The following CC2D2B variants were observed in gnomAD, a reference collection of about 807,000 sequenced individuals.
The protein encoded by CC2D2B is coiled-coil and C2 domain containing 2B.
A neutral mutation model predicts 161.2 loss-of-function variants in CC2D2B; 128 were observed. That is an observed-to-expected ratio of 0.79 (90% CI 0.69 to 0.92). CC2D2B has a LOEUF of 0.92. Among genes scored for constraint, CC2D2B ranks in the 40% least tolerant of loss-of-function variants. CC2D2B has a pLI of 0.00. For synonymous variants in CC2D2B, 391 were observed against 449.8 expected, an observed-to-expected ratio of 0.87 and a Z score of 1.65; for missense variants, 1,173 against 1,375.1, an observed-to-expected ratio of 0.85 and a Z score of 2.32.
intron 1 of CC2D2B, among the ~76,000 whole-genome samples, chr10:95,908,497 A>G (rs2098500065): frequency 6.6e-6 from 1 of 152,244 alleles, no homozygotes. Flanking sequence ...AGTTTGAATC[A>G]GCCTTAGAAA....
In CC2D2B at chr10:95,961,898, T is replaced by C; in HGVS notation, c.1179T>C (p.Thr393=). Residue 393 remains threonine (T), a synonymous_variant, in exon 12 of 35, where the codon ACT becomes ACC. Coordinates refer to ENST00000646931, the MANE Select transcript of CC2D2B (RefSeq NM_001349008.3). ...CCCTACTACACAGTATATTACGAAC[T>C]TGGAAACAGATTAAATCTCTTCGAC... ...DLSLLHSILR[T]WKQIKSLRHG... is the part of the protein sequence containing the mutation. 1 of 1,231,460 alleles carries C rather than the reference T, an allele frequency of 8.1e-7. No homozygotes were observed. The highest frequency in any genetic ancestry group is 1.6e-5 in the African/African-American group (1 of 64,478). 76.3% of individuals were successfully genotyped at this position (1,231,460 alleles called of 1,614,324 possible). A position where few individuals can be genotyped will look rare whatever the true frequency, so the allele number is the denominator to read the frequency against.
At chr10:96,011,752 T>C (rs28622061) in intron 26 of CC2D2B, among the ~76,000 whole-genome samples, 16 of 148,134 alleles carry the variant, frequency 1.1e-4, no homozygotes, top group South Asian at 1.1e-3. Flanking sequence ...CACACACACA[T>C]ACACACACAC....
chr10:96,016,180 A>G, intron 29 of CC2D2B, 21 bp from the exon 30 acceptor site: 1 of 1,542,180 alleles, frequency 6.5e-7, no homozygotes, highest in Non-Finnish European at 9.0e-7. Flanking sequence ...TTTTGTTCCT[A>G]TTGCTTTTGT....
chr10:95,984,865 G>A (rs530558596), intron 19 of CC2D2B, among the ~76,000 whole-genome samples: 10 of 151,084 alleles, frequency 6.6e-5, no homozygotes, highest in Admixed American at 2.0e-4. Context: ...GTGAGACCCT[G>A]TCTTTAAAAA....
intron 10 of CC2D2B, among the ~76,000 whole-genome samples, chr10:95,953,347 A>G (rs1198775423): frequency 6.6e-6 from 1 of 152,090 alleles, no homozygotes; most frequent in East Asian, 1.9e-4. Context: ...GACTACAGGT[A>G]CATGCCACAA....
Position 96,032,053 on chromosome 10 carries a change from T to C in CC2D2B, c.*45T>C, listed in dbSNP as rs2080087402. 1.4e-6 allele frequency: 2 copies of C among 1,467,232 alleles called. No individual in the cohort carries two copies. Among genetic ancestry groups the C allele is most frequent in the Admixed American group, 2.0e-5 (1 of 49,094 alleles). The allele number at this position is 1,467,232 out of a possible 1,614,324, so 90.9% of individuals were successfully genotyped here. A position where few individuals can be genotyped will look rare whatever the true frequency, so the allele number is the denominator to read the frequency against. Reference sequence around the variant, plus strand: ...AAAAGATTGTACTATAGTCCTCTAGTACCAACAAAAACTTTTCTGGTACCT... The same window carrying C: ...AAAAGATTGTACTATAGTCCTCTAGCACCAACAAAAACTTTTCTGGTACCT... On this transcript the variant is annotated 3_prime_UTR_variant, in exon 35 of 35. Coordinates refer to ENST00000646931, the MANE Select transcript of CC2D2B (RefSeq NM_001349008.3).
At chr10:95,969,654 T>A (rs1411101082) in intron 15 of CC2D2B, among the ~76,000 whole-genome samples, 1 of 152,192 alleles carries the variant, frequency 6.6e-6, no homozygotes, top group African/African-American at 2.4e-5. Flanking sequence ...CTGATAGATG[T>A]TCTATTCATT....
chr10:95,918,469 A>G (rs1001533038), intron 2 of CC2D2B, among the ~76,000 whole-genome samples: 1 of 152,234 alleles, frequency 6.6e-6, no homozygotes, highest in African/African-American at 2.4e-5. Flanking sequence ...TTTCACTGAG[A>G]AATGTGCTGC....
At chr10:95,981,936 T>C in intron 17 of CC2D2B, 39 bp from the exon 18 acceptor site, 1 of 1,031,610 alleles carries the variant, frequency 9.7e-7, no homozygotes, top group African/African-American at 1.7e-5. Flanking sequence ...ATATATTTTA[T>C]ATTGTATGCA....
At chr10:95,913,327 C>CATAT in intron 2 of CC2D2B, 4 of 271,640 alleles carry the variant, frequency 1.5e-5, no homozygotes, top group Admixed American at 4.0e-5. Flanking sequence ...TACTCCATTG[C>CATAT]ATATATATAT....
chr10:95,965,327 A>G (rs1484939309), intron 12 of CC2D2B, among the ~76,000 whole-genome samples: 1 of 152,130 alleles, frequency 6.6e-6, no homozygotes, highest in Non-Finnish European at 1.5e-5. Context: ...AAGTACTTAC[A>G]CTATTGCCTG....
intron 33 of CC2D2B, 102 bp from the exon 34 acceptor site, chr10:96,027,110 C>T (rs539848479): frequency 3.9e-5 from 33 of 842,658 alleles, no homozygotes; most frequent in African/African-American, 3.6e-4. Context: ...GGGACAAGAG[C>T]GAGACTTCGT....
intron 3 of CC2D2B, 61 bp from the exon 4 acceptor site, chr10:95,924,253 C>A: frequency 1.2e-6 from 1 of 822,542 alleles, no homozygotes; most frequent in South Asian, 2.0e-5. Context: ...ACTTTTGCTG[C>A]TATTGTTGTT....
chr10:95,991,934 C>G (rs935836389), intron 21 of CC2D2B, among the ~76,000 whole-genome samples: 4 of 152,158 alleles, frequency 2.6e-5, no homozygotes, highest in Non-Finnish European at 5.9e-5. Context: ...CTCATACTGT[C>G]CTATCTGTGA....
chr10:95,920,816 G>C (rs960647955), intron 2 of CC2D2B: 2 of 152,254 alleles, frequency 1.3e-5, no homozygotes, highest in African/African-American at 4.8e-5. Context: ...CTTCTGGCCC[G>C]GTGTCCGTCT....
intron 24 of CC2D2B, among the ~76,000 whole-genome samples, chr10:95,997,785 G>A (rs952534700): frequency 1.7e-4 from 26 of 152,218 alleles, no homozygotes; most frequent in African/African-American, 5.8e-4. Flanking sequence ...CAAGTTCCCA[G>A]TGGTTCTAAT....
At chr10:96,023,661 G>C (rs2079564073) in intron 32 of CC2D2B, among the ~76,000 whole-genome samples, 1 of 152,182 alleles carries the variant, frequency 6.6e-6, no homozygotes, top group South Asian at 2.1e-4. Flanking sequence ...ATGACACAAA[G>C]TCATCCTTCC....
rs549812282 is a variant in CC2D2B, at chr10:95,926,984, TG to T, written c.241-250del. The stretch of plus-strand genomic sequence containing the variant: ...CCCAGACTATAGTGAGGAGATAGTT[TG>T]GGAAGATGGAGAAGATTCTGGCTGT... On this transcript the variant is annotated intron_variant, in intron 5 of 34. Transcript: ENST00000646931. Among the ~76,000 whole-genome samples the T allele has an allele frequency of 3.6e-3, 554 of 152,170 alleles. 3 individuals are homozygous for T. Among genetic ancestry groups the T allele is most frequent in the Non-Finnish European group, 5.4e-3 (370 of 68,008 alleles).
intron 33 of CC2D2B, among the ~76,000 whole-genome samples, chr10:96,025,192 A>ATATATATAT (rs1554853793): frequency 2.4e-4 from 12 of 49,168 alleles, no homozygotes; most frequent in Admixed American, 7.9e-4. Flanking sequence ...TATAAAAAAA[A>ATATATATAT]ATATATATAT....
Sources: gnomAD v4.1 joint callset for allele counts (sites outside exome capture counted in the v4.1 genomes callset) on GRCh38, gnomAD v4.1.1 for gene constraint, MANE v1.5 for transcripts, NCBI Gene and HGNC (gene_info 2026-07-23, HGNC 2026-07-21) for gene names.